The following FKTN variants were observed in gnomAD, a reference collection of about 807,000 sequenced individuals.
The protein encoded by FKTN is ribitol-5-phosphate transferase FKTN.
A neutral mutation model predicts 58.6 loss-of-function variants in FKTN; 47 were observed. The observed-to-expected ratio is 0.80, with a 90% CI of 0.63 to 1.02. The LOEUF (loss-of-function observed/expected upper bound fraction) is 1.02, where lower values mean the gene tolerates loss of function less well. FKTN is among the 50% of genes least tolerant of loss of function. FKTN has a pLI of 0.00. For synonymous variants in FKTN, 178 were observed against 191.9 expected (o/e 0.93, Z 0.60); for missense variants, 516 against 537.3 (o/e 0.96, Z 0.39).
At chr9:105,587,760 GT>G (rs574070374) in intron 3 of FKTN, among the ~76,000 whole-genome samples, 21 of 152,246 alleles carry the variant, frequency 1.4e-4, no homozygotes, top group Non-Finnish European at 2.1e-4. Context: ...GGCTGTGTAG[GT>G]TTGTAGGTTT....
rs1477356731 is a variant in FKTN, at chr9:105,620,034, C to T, written c.1145C>T (p.Thr382Ile). 1.2e-6 allele frequency: 2 copies of T among 1,612,426 alleles called. No individual in the cohort carries two copies. The highest frequency in any genetic ancestry group is 1.7e-4 in the Middle Eastern group (1 of 6,054). Residue 382 changes from threonine to isoleucine, a missense_variant, in exon 10 of 11, where the codon ACT (threonine) becomes ATT (isoleucine). Physicochemically the swap from Thr to Ile is moderately conservative, Grantham distance 89. Coordinates refer to ENST00000357998, the MANE Select transcript of FKTN (RefSeq NM_001079802.2). The part of the protein sequence containing the change: ...EETDHMWNGG[T>I]QAKTGKKFKY... ...ACTGATCACATGTGGAATGGAGGCA[C>T]TCAGGCCAAAACAGGAAAAAAATTC...
At chr9:105,569,298 A>T (rs1183625876) in intron 1 of FKTN, among the ~76,000 whole-genome samples, 1 of 152,206 alleles carries the variant, frequency 6.6e-6, no homozygotes, top group African/African-American at 2.4e-5. Flanking sequence ...TAATAAAAAA[A>T]ATAAGTAAAT....
At chr9:105,559,054 C>T (rs1316715412) in intron 1 of FKTN, among the ~76,000 whole-genome samples, 1 of 152,190 alleles carries the variant, frequency 6.6e-6, no homozygotes, top group Non-Finnish European at 1.5e-5. Context: ...GAACAATACG[C>T]AGGACTTGAT....
chr9:105,570,112 G>T (rs777887208), intron 1 of FKTN, among the ~76,000 whole-genome samples: 20 of 151,620 alleles, frequency 1.3e-4, no homozygotes, highest in Non-Finnish European at 2.5e-4. Context: ...AGATATGTGA[G>T]TTTAAGGGGC....
chr9:105,586,384 G>A (rs989420074), intron 3 of FKTN, among the ~76,000 whole-genome samples: 1 of 152,216 alleles, frequency 6.6e-6, no homozygotes, highest in African/African-American at 2.4e-5. Flanking sequence ...TCAAGTAGTT[G>A]GCTTGCAGCT....
chr9:105,614,776 C>G (rs1830508427), intron 7 of FKTN, among the ~76,000 whole-genome samples: 1 of 151,932 alleles, frequency 6.6e-6, no homozygotes, highest in Non-Finnish European at 1.5e-5. Flanking sequence ...CAAGAATCTG[C>G]TCTTAAGTGT....
In FKTN at chr9:105,617,565, A is replaced by C. The variant is rs573840626; in HGVS notation, c.911-394A>C. ...TCAGCAACTTAGTGTTATTAAAGCT[A>C]ATGGTTTATTCAGAAACTAAAATAT... On this transcript the variant is annotated intron_variant, in intron 8 of 10. Coordinates refer to ENST00000357998, the MANE Select transcript of FKTN (RefSeq NM_001079802.2). Among the ~76,000 whole-genome samples, 4 of 152,342 alleles carry C rather than the reference A, an allele frequency of 2.6e-5. No individual in the cohort carries two copies. The East Asian group carries it at 5.8e-4, about 22-fold the overall frequency.
intron 10 of FKTN, among the ~76,000 whole-genome samples, chr9:105,632,577 G>A (rs2768281): frequency 0.011 from 1,614 of 152,058 alleles, 13 homozygotes; most frequent in Non-Finnish European, 0.015. Flanking sequence ...TTTAGCAGTT[G>A]TATTCATAGG....
At chr9:105,583,489 A>G (rs900917761) in intron 3 of FKTN, among the ~76,000 whole-genome samples, 14 of 152,176 alleles carry the variant, frequency 9.2e-5, no homozygotes, top group Admixed American at 6.5e-5. Context: ...ACATCTTTCC[A>G]TATGTATATT....
chr9:105,633,064 ATTGT>A (rs1477349353), intron 10 of FKTN, among the ~76,000 whole-genome samples: 1 of 151,986 alleles, frequency 6.6e-6, no homozygotes, highest in Non-Finnish European at 1.5e-5. Context: ...TTTACATTTT[ATTGT>A]TTGTTTATCT....
intron 9 of FKTN, among the ~76,000 whole-genome samples, chr9:105,619,058 TAAA>T (rs80255150): frequency 5.1e-5 from 7 of 136,670 alleles, no homozygotes; most frequent in Admixed American, 7.3e-5. Flanking sequence ...GACTCCGTCT[TAAA>T]AAAAAAAAAA....
chr9:105,594,154 T>C (rs888008002), intron 3 of FKTN, among the ~76,000 whole-genome samples: 2 of 152,164 alleles, frequency 1.3e-5, no homozygotes, highest in African/African-American at 4.8e-5. Context: ...AGTGCATAAG[T>C]GGAGAGGCTG....
chr9:105,600,195 T>C (rs1018522561), intron 4 of FKTN, among the ~76,000 whole-genome samples: 6 of 152,200 alleles, frequency 3.9e-5, no homozygotes, highest in African/African-American at 1.4e-4. Flanking sequence ...CATAATACTC[T>C]ACACTAAAAA....
chr9:105,562,763 C>G (rs1002064456), intron 1 of FKTN, among the ~76,000 whole-genome samples: 8 of 152,196 alleles, frequency 5.3e-5, no homozygotes, highest in Admixed American at 2.0e-4. Context: ...AAGATGGAAT[C>G]AACTATGAGA....
In FKTN at chr9:105,622,222, G is replaced by A. The variant is rs115131386; in HGVS notation, c.1172+2161G>A. On this transcript the variant is annotated intron_variant, in intron 10 of 10. Coordinates refer to ENST00000357998, the MANE Select transcript of FKTN (RefSeq NM_001079802.2). The stretch of plus-strand genomic sequence containing the variant: ...TACTGTTCAAACTAGTCAGTATAAT[G>A]TATCATCTCACCTTCTCCAAAGGTC... Among the ~76,000 whole-genome samples the A allele has an allele frequency of 6.6e-3, 998 of 152,026 alleles. 16 individuals carry two copies. The highest frequency in any genetic ancestry group is 0.023 in the African/African-American group (946 of 41,500).
chr9:105,573,919 T>C (rs909149537), intron 2 of FKTN, among the ~76,000 whole-genome samples, 173 bp downstream of exon 2: 3 of 152,180 alleles, frequency 2.0e-5, no homozygotes, highest in African/African-American at 7.2e-5. Context: ...TGACAACTAT[T>C]TTTGAACAAG....
Position 105,640,006 on chromosome 9 carries a change from A to G in FKTN, c.*4742A>G, listed in dbSNP as rs1834313718. On this transcript the variant is annotated 3_prime_UTR_variant, in exon 11 of 11. Transcript: ENST00000357998. ...AATACTTAATTTCATTTAATTATCTATGCTGATGAATGCCTGTATCATTGT... is the reference window on the plus strand; with the variant it reads ...AATACTTAATTTCATTTAATTATCTGTGCTGATGAATGCCTGTATCATTGT... The G allele has an allele frequency of 2.0e-6, 3 of 1,521,738 alleles. No individual in the cohort carries two copies. The highest frequency in any genetic ancestry group is 1.8e-6 in the Non-Finnish European group (2 of 1,135,680). The allele number at this position is 1,521,738 out of a possible 1,614,324, so 94.3% of individuals were successfully genotyped here.
chr9:105,605,058 C>G (rs1828641605), intron 6 of FKTN, among the ~76,000 whole-genome samples: 1 of 151,722 alleles, frequency 6.6e-6, no homozygotes, highest in Non-Finnish European at 1.5e-5. Context: ...GGTCTGTGCA[C>G]ATTGTGGATG....
At chr9:105,600,067 G>A (rs1009041732) in intron 4 of FKTN, among the ~76,000 whole-genome samples, 2 of 151,726 alleles carry the variant, frequency 1.3e-5, no homozygotes, top group Non-Finnish European at 1.5e-5. Context: ...AGAAATTTGT[G>A]TCATCTAAGT....
Sources: gnomAD v4.1 joint callset for allele counts (sites outside exome capture counted in the v4.1 genomes callset) on GRCh38, gnomAD v4.1.1 for gene constraint, MANE v1.5 for transcripts, NCBI Gene and HGNC (gene_info 2026-07-23, HGNC 2026-07-21) for gene names.